Variants in UTP4 observed in about 807,000 individuals in gnomAD.
UTP4 encodes the protein U3 small nucleolar RNA-associated protein 4 homolog.
UTP4 carries 45 observed loss-of-function variants against 82.4 expected under a neutral mutation model. That is an observed-to-expected ratio of 0.55 (90% CI 0.43 to 0.70). The LOEUF (loss-of-function observed/expected upper bound fraction) is 0.70. UTP4 is among the 30% of genes least tolerant of loss of function. UTP4 has a pLI of 0.00. For missense variants in UTP4, 819 were observed against 858.3 expected, an observed-to-expected ratio of 0.95 and a Z score of 0.57; for synonymous variants, 348 against 300.3, an observed-to-expected ratio of 1.16 and a Z score of -1.64.
Position 69,153,675 on chromosome 16 carries a change from C to T in UTP4, c.1094C>T (p.Ala365Val). ...LELWRLGSTV[A>V]TGKNGDTLPL... ...CTTTGGCGACTGGGATCCACAGTTGCAACAGGTAAGATGGGAGCACGTTTT... is the reference window on the plus strand; with the variant it reads ...CTTTGGCGACTGGGATCCACAGTTGTAACAGGTAAGATGGGAGCACGTTTT... Residue 365 changes from alanine (A) to valine (V), a missense_variant, in exon 9 of 17, where the codon GCA becomes GTA. Coordinates refer to ENST00000314423, the MANE Select transcript of UTP4 (RefSeq NM_032830.3). 3 of 1,609,532 alleles carry T rather than the reference C, an allele frequency of 1.9e-6. No individual in the cohort carries two copies. The highest frequency in any genetic ancestry group is 2.7e-5 in the African/African-American group (2 of 74,924).
At chr16:69,160,303 T>G (rs2152283056) in intron 12 of UTP4, 53 bp from the exon 13 acceptor site, 3 of 1,401,118 alleles carry the variant, frequency 2.1e-6, no homozygotes, top group Non-Finnish European at 3.0e-6. Flanking sequence ...CCAGGGCAGG[T>G]CTGGCTGTGG....
In UTP4 at chr16:69,163,170, G is replaced by T. The variant is rs761703361; in HGVS notation, c.1639G>T (p.Asp547Tyr). ...CAACAACCTTGTCATCGCTCATTCGGACCAGCAGGTAAGGGAGATTCCAGT... is the reference window on the plus strand; with the variant it reads ...CAACAACCTTGTCATCGCTCATTCGTACCAGCAGGTAAGGGAGATTCCAGT... Reference protein sequence around the residue: ...NTNNLVIAHSDQQVFEYSIPD... With the variant: ...NTNNLVIAHSYQQVFEYSIPD... Residue 547 changes from aspartate to tyrosine, a missense_variant, in exon 14 of 17, where the codon GAC becomes TAC. Transcript: ENST00000314423. 1 of 1,612,422 alleles carries T rather than the reference G, an allele frequency of 6.2e-7. No homozygotes were observed.
intron 16 of UTP4, 130 bp downstream of exon 16, chr16:69,167,315 T>G: frequency 1.4e-6 from 1 of 708,232 alleles, no homozygotes; most frequent in Non-Finnish European, 2.5e-6. Context: ...GGGAGACAAG[T>G]CACCTTTTTG....
intron 16 of UTP4, chr16:69,167,818 C>T: frequency 6.9e-6 from 1 of 145,608 alleles, no homozygotes; most frequent in Non-Finnish European, 1.5e-5. Flanking sequence ...CCAGTCTGGG[C>T]AACATAGTGA....
Position 69,139,819 on chromosome 16 carries a change from C to G in UTP4, c.437-6C>G. 6.2e-7 allele frequency: 1 copy of G among 1,610,072 alleles called. No individual in the cohort carries two copies. Among genetic ancestry groups the G allele is most frequent in the South Asian group, 1.1e-5 (1 of 90,996 alleles). ...CACTTTCTTTTTTTGTTGTCCAACT[C>G]CCAAGGTCGCATCCTGAGTCTCAGC... On this transcript the variant is annotated splice_region_variant and splice_polypyrimidine_tract_variant and intron_variant, in intron 4 of 16. Coordinates refer to ENST00000314423, the MANE Select transcript of UTP4 (RefSeq NM_032830.3).
At chr16:69,135,632 C>T (rs902968062) in intron 2 of UTP4, among the ~76,000 whole-genome samples, 2 of 152,146 alleles carry the variant, frequency 1.3e-5, no homozygotes, top group African/African-American at 4.8e-5. Flanking sequence ...GGAAGGATCG[C>T]TTGAGCTCAG....
At chr16:69,166,173 C>G (rs1007757798) in intron 15 of UTP4, 1 of 170,366 alleles carries the variant, frequency 5.9e-6, no homozygotes, top group Non-Finnish European at 1.3e-5. Context: ...TGCTTTGTTT[C>G]CTAGGAGCAT....
chr16:69,145,149 CAAT>C (rs917951120), intron 6 of UTP4, among the ~76,000 whole-genome samples: 13 of 151,014 alleles, frequency 8.6e-5, no homozygotes, highest in African/African-American at 2.4e-4. Flanking sequence ...TCTCAAATAA[CAAT>C]AATAATAATA....
intron 6 of UTP4, among the ~76,000 whole-genome samples, chr16:69,147,488 G>A (rs989118308): frequency 4.6e-5 from 7 of 152,156 alleles, no homozygotes; most frequent in Admixed American, 1.3e-4. Flanking sequence ...CTGGGTGACA[G>A]AGCAAGACTC....
At chr16:69,162,465 A>G (rs1005343463) in intron 13 of UTP4, among the ~76,000 whole-genome samples, 2 of 150,742 alleles carry the variant, frequency 1.3e-5, no homozygotes, top group African/African-American at 4.9e-5. Context: ...TAATCCCAAC[A>G]CTTTGGGAGA....
Position 69,153,601 on chromosome 16 carries a change from T to C in UTP4, c.1020T>C (p.Cys340=). ...GGATATAGCGATGTCTCATCTCCTG[T>C]TCTAAAAAGAGGCAGCTTCTCCTCT... The part of the protein sequence containing the change: ...ITFPHRCLIS[C]SKKRQLLLFQ... Residue 340 remains cysteine, a synonymous_variant, in exon 9 of 17, where the codon TGT becomes TGC. Transcript: ENST00000314423. 6.2e-7 allele frequency: 1 copy of C among 1,613,214 alleles called. No individual in the cohort carries two copies. Among genetic ancestry groups the C allele is most frequent in the Non-Finnish European group, 8.5e-7 (1 of 1,179,538 alleles).
In UTP4 at chr16:69,139,827, C is replaced by T. The variant is rs1372319490; in HGVS notation, c.439C>T (p.Arg147Cys). Residue 147 changes from arginine to cysteine, a missense_variant and splice_region_variant, in exon 5 of 17, where the codon CGC becomes TGC. Transcript: ENST00000314423. ...TTTTTTGTTGTCCAACTCCCAAGGT[C>T]GCATCCTGAGTCTCAGCTGGCATCC... The part of the protein sequence containing the change: ...FERNFDRQKS[R>C]ILSLSWHPSG... The T allele has an allele frequency of 5.6e-6, 9 of 1,611,850 alleles. No homozygotes were observed. Among genetic ancestry groups the T allele is most frequent in the African/African-American group, 1.3e-5 (1 of 74,824 alleles).
In UTP4 at chr16:69,157,065, A is replaced by G. The variant is rs373719264; in HGVS notation, c.1288-19A>G. 3.0e-5 allele frequency: 49 copies of G among 1,614,078 alleles called. No individual in the cohort carries two copies. In the Admixed American group the frequency reaches 8.0e-4, roughly 26 times the overall value. ...GGTCTCCCTTCTCTCACTGGCTTTT[A>G]TTATTGGTTCACCCAAAGGTTTCCA... On this transcript the variant is annotated intron_variant, in intron 11 of 16. Coordinates refer to ENST00000314423, the MANE Select transcript of UTP4 (RefSeq NM_032830.3).
chr16:69,156,356 C>T (rs1430664307), intron 11 of UTP4, among the ~76,000 whole-genome samples: 2 of 151,762 alleles, frequency 1.3e-5, no homozygotes, highest in African/African-American at 4.8e-5. Flanking sequence ...AGTTTCACCA[C>T]CCGTTGGCCA....
At chr16:69,168,711 C>A in intron 16 of UTP4, 110 bp from the exon 17 acceptor site, 1 of 794,008 alleles carries the variant, frequency 1.3e-6, no homozygotes, top group Non-Finnish European at 2.3e-6. Context: ...ATCATTTGAG[C>A]CTTGAACTAG....
rs746323961 is a variant in UTP4, at chr16:69,143,290, C to T, written c.639C>T (p.Asp213=). The T allele has an allele frequency of 1.9e-6, 3 of 1,614,062 alleles. No homozygotes were observed. The highest frequency in any genetic ancestry group is 1.1e-5 in the South Asian group (1 of 91,088). Residue 213 remains aspartate, a synonymous_variant, in exon 6 of 17, where the codon GAC becomes GAT. Transcript: ENST00000314423. ...CCGATGGCACTATCATAAGTGTGGA[C>T]TCTGCTGGGAAGGTGCAGTTCTGGG... ...FLSDGTIISV[D]SAGKVQFWDS...
At position 69,136,795 on chromosome 16, in the gene UTP4, G is replaced by A. The variant is rs1962825566; in HGVS notation, c.259G>A (p.Asp87Asn). The A allele has an allele frequency of 6.2e-7, 1 of 1,614,180 alleles. No individual in the cohort carries two copies. Among genetic ancestry groups the A allele is most frequent in the South Asian group, 1.1e-5 (1 of 91,082 alleles). ...AGLNGEIMEY[D>N]LQALNIKYAM... ...GCTCAATGGCGAGATTATGGAGTATGATTTACAGGCGTTAAACATCAAGTA... is the reference window on the plus strand; with the variant it reads ...GCTCAATGGCGAGATTATGGAGTATAATTTACAGGCGTTAAACATCAAGTA... Residue 87 changes from aspartate to asparagine, a missense_variant, in exon 3 of 17, where the codon GAT becomes AAT. Physicochemically the swap from Asp to Asn is conservative, Grantham distance 23 (BLOSUM62 1). Coordinates refer to ENST00000314423, the MANE Select transcript of UTP4 (RefSeq NM_032830.3).
intron 12 of UTP4, among the ~76,000 whole-genome samples, chr16:69,159,649 C>T (rs1963513078): frequency 6.6e-6 from 1 of 151,836 alleles, no homozygotes; most frequent in African/African-American, 2.4e-5. Context: ...GATTGCACCA[C>T]TGCACTCCAG....
chr16:69,158,295 C>T (rs2152282562), intron 12 of UTP4, among the ~76,000 whole-genome samples: 1 of 150,326 alleles, frequency 6.7e-6, no homozygotes, highest in South Asian at 2.1e-4. Context: ...ACCTCAGCCT[C>T]CCAAGTACAC....
Sources: gnomAD v4.1 joint callset for allele counts (sites outside exome capture counted in the v4.1 genomes callset) on GRCh38, gnomAD v4.1.1 for gene constraint, MANE v1.5 for transcripts, NCBI Gene and HGNC (gene_info 2026-07-23, HGNC 2026-07-21) for gene names.